Variants in CES5A observed in about 807,000 individuals in gnomAD.
CES5A encodes carboxylesterase 5.
CES5A carries 67 observed loss-of-function variants against 62.9 expected under a neutral mutation model. That is an observed-to-expected ratio of 1.07 (90% CI 0.88 to 1.31). The LOEUF is 1.31. CES5A is among the 50% of genes most tolerant of loss of function. CES5A has a pLI of 0.00. For synonymous variants in CES5A, 296 were observed against 280.8 expected (o/e 1.05, Z -0.54); for missense variants, 748 against 708.5 (o/e 1.06, Z -0.63).
chr16:55,914,179 A>C (rs1288100782), intron 1 of CES5A, among the ~76,000 whole-genome samples: 23 of 152,330 alleles, frequency 1.5e-4, no homozygotes, highest in Non-Finnish European at 5.9e-5. Flanking sequence ...TATTTGCAAA[A>C]TCTGGCAACC....
At chr16:55,859,839 C>T (rs550938623) in intron 7 of CES5A, 152 bp from the exon 8 acceptor site, 1 of 642,106 alleles carries the variant, frequency 1.6e-6, no homozygotes, top group African/African-American at 1.8e-5. Flanking sequence ...ATGGGCCCAG[C>T]TCAATATATC....
intron 11 of CES5A, among the ~76,000 whole-genome samples, chr16:55,847,197 T>TTC (rs1475736693): frequency 6.6e-6 from 1 of 151,148 alleles, no homozygotes; most frequent in East Asian, 1.9e-4. Context: ...CCTCTCTTCC[T>TTC]TCTCTCTCCC....
intron 1 of CES5A, among the ~76,000 whole-genome samples, chr16:55,920,567 C>T (rs575836839): frequency 1.3e-5 from 2 of 152,324 alleles, no homozygotes; most frequent in East Asian, 3.9e-4. Flanking sequence ...GGACGGCGAA[C>T]CTGGGCTTAA....
Position 55,846,342 on chromosome 16 carries a change from T to C in CES5A, c.*109A>G. ...CCATAAAATATCAGCGAAAGCAGCT[T>C]GTTTTGCAAGGATCCCCATAGAAAG... On this transcript the variant is annotated 3_prime_UTR_variant, in exon 13 of 13. Coordinates refer to ENST00000290567, the MANE Select transcript of CES5A (RefSeq NM_001143685.2). 1.3e-6 allele frequency: 1 copy of C among 799,660 alleles called. No individual in the cohort carries two copies. 49.5% of individuals were successfully genotyped at this position (799,660 alleles called of 1,614,324 possible). A position where few individuals can be genotyped will look rare whatever the true frequency, so the allele number is the denominator to read the frequency against.
intron 1 of CES5A, among the ~76,000 whole-genome samples, chr16:55,894,134 T>C: frequency 6.6e-6 from 1 of 152,242 alleles, no homozygotes; most frequent in East Asian, 1.9e-4. Flanking sequence ...TAGAAAATAT[T>C]ATTCAAAAAT....
At chr16:55,884,771 G>T (rs1567340498) in intron 1 of CES5A, among the ~76,000 whole-genome samples, 1 of 151,940 alleles carries the variant, frequency 6.6e-6, no homozygotes. Flanking sequence ...TTTAAATTTT[G>T]TGTAGAGACA....
intron 1 of CES5A, among the ~76,000 whole-genome samples, chr16:55,907,023 T>C (rs2034046086): frequency 6.6e-6 from 1 of 152,234 alleles, no homozygotes; most frequent in Admixed American, 6.5e-5. Context: ...TTACACATCT[T>C]ATGCTCAAAA....
intron 1 of CES5A, among the ~76,000 whole-genome samples, chr16:55,888,274 C>A (rs1262895094): frequency 2.0e-5 from 3 of 152,136 alleles, no homozygotes; most frequent in African/African-American, 7.2e-5. Context: ...AATTTCACCT[C>A]AATTACGGGC....
intron 4 of CES5A, among the ~76,000 whole-genome samples, chr16:55,868,310 T>A (rs2033507319): frequency 6.6e-6 from 1 of 152,242 alleles, no homozygotes; most frequent in Non-Finnish European, 1.5e-5. Flanking sequence ...CTCCCAGAGC[T>A]ACATTCCAGG....
At position 55,846,370 on chromosome 16, in the gene CES5A, G is replaced by T; in HGVS notation, c.*81C>A. The T allele has an allele frequency of 9.3e-7, 1 of 1,080,768 alleles. No individual in the cohort carries two copies. Among genetic ancestry groups the T allele is most frequent in the Non-Finnish European group, 1.4e-6 (1 of 718,310 alleles). The allele number at this position is 1,080,768 out of a possible 1,614,324, so 66.9% of individuals were successfully genotyped here. On this transcript the variant is annotated 3_prime_UTR_variant, in exon 13 of 13. Coordinates refer to ENST00000290567, the MANE Select transcript of CES5A (RefSeq NM_001143685.2). Reference sequence around the variant, plus strand: ...TTTGCAAGGATCCCCATAGAAAGCAGCTGAGCTCAGAAAGAAGCTAATGAT... The same window carrying T: ...TTTGCAAGGATCCCCATAGAAAGCATCTGAGCTCAGAAAGAAGCTAATGAT...
At chr16:55,887,138 G>A (rs2033824898) in intron 1 of CES5A, among the ~76,000 whole-genome samples, 1 of 152,114 alleles carries the variant, frequency 6.6e-6, no homozygotes, top group African/African-American at 2.4e-5. Context: ...GAACAGACCA[G>A]TCTGAGAATC....
intron 1 of CES5A, among the ~76,000 whole-genome samples, chr16:55,921,019 A>G (rs1347019585): frequency 1.3e-5 from 2 of 152,222 alleles, no homozygotes; most frequent in Non-Finnish European, 2.9e-5. Context: ...GAATGGATCA[A>G]GCAAAGGAAA....
chr16:55,859,657 C>A lies in CES5A; in HGVS notation c.946G>T (p.Gly316Cys). The change falls in exon 8 of 13, where the codon GGT becomes TGT. Residue 316 changes from glycine to cysteine, a missense_variant. Coordinates refer to ENST00000290567, the MANE Select transcript of CES5A (RefSeq NM_001143685.2). Reference sequence around the variant, plus strand: ...AGAGGCTCATTAGGAAAGAAAGCACCATCAACCACTCGAGTGAAAGACTTT... The same window carrying A: ...AGAGGCTCATTAGGAAAGAAAGCACAATCAACCACTCGAGTGAAAGACTTT... ...KTKSFTRVVD[G>C]AFFPNEPLDL... 6.2e-7 allele frequency: 1 copy of A among 1,611,730 alleles called. No individual in the cohort carries two copies. The highest frequency in any genetic ancestry group is 8.5e-7 in the Non-Finnish European group (1 of 1,179,204).
chr16:55,950,803 T>TA (rs1335786812), intron 1 of CES5A, among the ~76,000 whole-genome samples: 1 of 151,096 alleles, frequency 6.6e-6, no homozygotes, highest in Admixed American at 6.6e-5. Context: ...AGTAAGTAAA[T>TA]AAAAAGACCC....
chr16:55,949,363 G>A (rs529078770), intron 2 of CES5A, among the ~76,000 whole-genome samples: 5 of 152,326 alleles, frequency 3.3e-5, no homozygotes, highest in Admixed American at 6.5e-5. Flanking sequence ...GCTGCTGGCC[G>A]CCAGGGGCAA....
chr16:55,931,455 C>T (rs951291442), intron 2 of CES5A, among the ~76,000 whole-genome samples: 3 of 152,194 alleles, frequency 2.0e-5, no homozygotes, highest in Non-Finnish European at 2.9e-5. Flanking sequence ...AGGTCAAGTG[C>T]AATCTTCTTA....
At chr16:55,900,759 G>A (rs1162183853) in intron 1 of CES5A, among the ~76,000 whole-genome samples, 1 of 152,216 alleles carries the variant, frequency 6.6e-6, no homozygotes, top group Non-Finnish European at 1.5e-5. Flanking sequence ...GGGAAAGGTA[G>A]GCAGTTGGAC....
chr16:55,869,263 G>A (rs1406021365), intron 4 of CES5A, among the ~76,000 whole-genome samples: 1 of 152,186 alleles, frequency 6.6e-6, no homozygotes, highest in Non-Finnish European at 1.5e-5. Flanking sequence ...GATCCTCCAT[G>A]CTGTCTCGGT....
At chr16:55,871,921 G>A in intron 2 of CES5A, 158 bp from the exon 3 acceptor site, 1 of 671,342 alleles carries the variant, frequency 1.5e-6, no homozygotes, top group Non-Finnish European at 2.5e-6. Flanking sequence ...AAACCCCCAT[G>A]GTTTCCAAAA....
Sources: gnomAD v4.1 joint callset for allele counts (sites outside exome capture counted in the v4.1 genomes callset) on GRCh38, gnomAD v4.1.1 for gene constraint, MANE v1.5 for transcripts, NCBI Gene and HGNC (gene_info 2026-07-23, HGNC 2026-07-21) for gene names.